The following EPB41L5 variants were observed in gnomAD, a reference collection of about 807,000 sequenced individuals.
EPB41L5 encodes the protein erythrocyte membrane protein band 4.1 like 5, also known as band 4.1-like protein 5.
A neutral mutation model predicts 106.6 loss-of-function variants in EPB41L5; 55 were observed. The ratio of observed to expected loss-of-function variants is 0.52; its 90% CI spans 0.42 to 0.65. EPB41L5 has a LOEUF of 0.65. Among genes scored for constraint, EPB41L5 ranks in the 30% least tolerant of loss-of-function variants. The probability of loss-of-function intolerance (pLI) is 0.00; values close to 1 mark genes in which losing one functional copy is unlikely to be tolerated. For missense variants in EPB41L5, 871 were observed against 882.1 expected, an observed-to-expected ratio of 0.99 and a Z score of 0.16; for synonymous variants, 297 against 306.7, an observed-to-expected ratio of 0.97 and a Z score of 0.33.
chr2:120,140,043 A>T (rs1484283431), intron 18 of EPB41L5, among the ~76,000 whole-genome samples: 1 of 152,050 alleles, frequency 6.6e-6, no homozygotes, highest in Non-Finnish European at 1.5e-5. Flanking sequence ...AGGACACTAT[A>T]TTAAGAGAAG....
intron 10 of EPB41L5, among the ~76,000 whole-genome samples, chr2:120,081,671 T>C (rs1268439098): frequency 2.6e-5 from 4 of 152,196 alleles, no homozygotes; most frequent in African/African-American, 7.2e-5. Flanking sequence ...TTGATGGGGA[T>C]GGCATTGAAT....
At chr2:120,173,261 A>G (rs1687767680) in intron 24 of EPB41L5, among the ~76,000 whole-genome samples, 1 of 152,222 alleles carries the variant, frequency 6.6e-6, no homozygotes, top group Admixed American at 6.5e-5. Flanking sequence ...ATAAGAAGGC[A>G]GGATTGTGGG....
chr2:120,091,510 A>T, intron 12 of EPB41L5, 45 bp from the exon 13 acceptor site: 2 of 1,351,828 alleles, frequency 1.5e-6, no homozygotes, highest in Non-Finnish European at 2.1e-6. Flanking sequence ...TGTGTTTATT[A>T]CTGTAGACCT....
chr2:120,054,988 T>G (rs749019238), intron 3 of EPB41L5, among the ~76,000 whole-genome samples: 2 of 151,434 alleles, frequency 1.3e-5, no homozygotes, highest in Non-Finnish European at 2.9e-5. Flanking sequence ...TGCCTCAGCC[T>G]CCCAAGCAGC....
intron 20 of EPB41L5, among the ~76,000 whole-genome samples, chr2:120,147,624 CA>C (rs60980401): frequency 0.29 from 22,006 of 75,606 alleles, 1,144 homozygotes; most frequent in African/African-American, 0.39. Context: ...AACTCTGTCT[CA>C]AAAAAAAAAA....
intron 2 of EPB41L5, among the ~76,000 whole-genome samples, chr2:120,026,669 T>G (rs1189691029): frequency 6.6e-6 from 1 of 152,188 alleles, no homozygotes; most frequent in Non-Finnish European, 1.5e-5. Flanking sequence ...GCGCCCGGCC[T>G]GGCACCACTT....
intron 2 of EPB41L5, among the ~76,000 whole-genome samples, chr2:120,025,495 CTT>C (rs1678242583): frequency 1.3e-5 from 2 of 152,212 alleles, no homozygotes; most frequent in South Asian, 2.1e-4. Context: ...GGTCTTGACT[CTT>C]TATCCAATTT....
intron 16 of EPB41L5, among the ~76,000 whole-genome samples, chr2:120,119,430 A>G (rs577838457): frequency 2.1e-4 from 32 of 152,246 alleles, no homozygotes; most frequent in Admixed American, 7.2e-4. Flanking sequence ...ATCTTTGCCA[A>G]TGCCTCTGTC....
At chr2:120,123,646 CTTTTTTTT>C (rs869296989) in intron 16 of EPB41L5, among the ~76,000 whole-genome samples, 45 of 68,338 alleles carry the variant, frequency 6.6e-4, no homozygotes, top group African/African-American at 2.3e-3. Flanking sequence ...GTGTTCGTCC[CTTTTTTTT>C]TTTTTTTTTT....
chr2:120,166,068 G>A (rs189020868), intron 22 of EPB41L5, among the ~76,000 whole-genome samples: 75 of 151,826 alleles, frequency 4.9e-4, no homozygotes, highest in Admixed American at 4.8e-3. Context: ...CATCCTGAAG[G>A]CTTGGAAATA....
At chr2:120,130,249 T>G (rs749918710) in intron 17 of EPB41L5, among the ~76,000 whole-genome samples, 1 of 152,154 alleles carries the variant, frequency 6.6e-6, no homozygotes, top group Non-Finnish European at 1.5e-5. Flanking sequence ...AGGAAATTCT[T>G]GCATAGTGTG....
chr2:120,052,233 G>C (rs1680337368), intron 3 of EPB41L5, among the ~76,000 whole-genome samples: 1 of 152,148 alleles, frequency 6.6e-6, no homozygotes, highest in South Asian at 2.1e-4. Context: ...TGAAGATACA[G>C]GACAGTTATT....
intron 16 of EPB41L5, among the ~76,000 whole-genome samples, chr2:120,119,075 T>C (rs1232418771): frequency 6.6e-6 from 1 of 152,230 alleles, no homozygotes; most frequent in East Asian, 1.9e-4. Flanking sequence ...TTTGCATTTC[T>C]CTAATGATCA....
At chr2:120,070,659 C>G (rs892331303) in intron 3 of EPB41L5, among the ~76,000 whole-genome samples, 3 of 152,166 alleles carry the variant, frequency 2.0e-5, no homozygotes, top group Non-Finnish European at 2.9e-5. Flanking sequence ...CAGCTTCATC[C>G]CTGGATTGCA....
chr2:120,132,460 A>T (rs1370061122), intron 18 of EPB41L5, among the ~76,000 whole-genome samples: 1 of 152,170 alleles, frequency 6.6e-6, no homozygotes, highest in Non-Finnish European at 1.5e-5. Flanking sequence ...GTGTTCTTCC[A>T]TTCTTGGATA....
chr2:120,096,250 G>C (rs1683745833), intron 14 of EPB41L5, among the ~76,000 whole-genome samples: 2 of 151,810 alleles, frequency 1.3e-5, no homozygotes, highest in South Asian at 4.2e-4. Context: ...AGCTGTTAAA[G>C]CCAGTCCGTG....
intron 3 of EPB41L5, among the ~76,000 whole-genome samples, chr2:120,064,076 A>T (rs1431133341): frequency 6.6e-6 from 1 of 152,212 alleles, no homozygotes; most frequent in Non-Finnish European, 1.5e-5. Context: ...CTGTTAACTC[A>T]AAAAAAGTAG....
At chr2:120,047,582 A>G (rs577239598) in intron 3 of EPB41L5, among the ~76,000 whole-genome samples, 43 of 152,224 alleles carry the variant, frequency 2.8e-4, no homozygotes, top group African/African-American at 9.4e-4. Context: ...GGGGTTTTCT[A>G]AATATACAAT....
chr2:120,062,485 AT>A (rs1681149286), intron 3 of EPB41L5, among the ~76,000 whole-genome samples: 1 of 152,200 alleles, frequency 6.6e-6, no homozygotes, highest in African/African-American at 2.4e-5. Flanking sequence ...TTTTAAAAAA[AT>A]TAAAATAAAT....
Sources: gnomAD v4.1 joint callset for allele counts (sites outside exome capture counted in the v4.1 genomes callset) on GRCh38, gnomAD v4.1.1 for gene constraint, MANE v1.5 for transcripts, NCBI Gene and HGNC (gene_info 2026-07-23, HGNC 2026-07-21) for gene names.